Variants in MYLK observed in about 807,000 individuals in gnomAD.
MYLK encodes the protein myosin light chain kinase.
Under a neutral mutation model 203.4 loss-of-function variants are expected in MYLK, and 106 were observed. The ratio of observed to expected loss-of-function variants is 0.52; its 90% confidence interval spans 0.45 to 0.61. The LOEUF (loss-of-function observed/expected upper bound fraction) is 0.61. MYLK is among the 20% of genes least tolerant of loss of function. The pLI, the probability that MYLK is intolerant of heterozygous loss-of-function variation, is 0.00. For synonymous variants in MYLK, 867 were observed against 959.5 expected, an observed-to-expected ratio of 0.90 and a Z score of 1.78; for missense variants, 2,072 against 2,442.3, an observed-to-expected ratio of 0.85 and a Z score of 3.20.
intron 13 of MYLK, among the ~76,000 whole-genome samples, chr3:123,719,240 C>G (rs1232956771): frequency 6.6e-6 from 1 of 152,170 alleles, no homozygotes; most frequent in African/African-American, 2.4e-5. Context: ...AGCAGAGCTG[C>G]CCCTCAACCA....
At chr3:123,625,467 CGAGG>C in intron 31 of MYLK, among the ~76,000 whole-genome samples, 1 of 142,092 alleles carries the variant, frequency 7.0e-6, no homozygotes, top group East Asian at 2.1e-4. Context: ...GACTTTGTCT[CGAGG>C]AAAAAAAAAA....
chr3:123,802,958 C>A (rs966188303), intron 3 of MYLK, among the ~76,000 whole-genome samples: 2 of 151,932 alleles, frequency 1.3e-5, no homozygotes, highest in South Asian at 2.1e-4. Flanking sequence ...CCATGCCCCC[C>A]ACTCCATTCT....
intron 5 of MYLK, among the ~76,000 whole-genome samples, chr3:123,751,413 T>C (rs1334878142): frequency 2.0e-5 from 3 of 152,212 alleles, no homozygotes; most frequent in Admixed American, 6.5e-5. Flanking sequence ...GACAAAAATA[T>C]TAGGTTGGTG....
intron 19 of MYLK, among the ~76,000 whole-genome samples, chr3:123,683,982 GCTC>G (rs2060361802): frequency 6.6e-6 from 1 of 152,166 alleles, no homozygotes; most frequent in Non-Finnish European, 1.5e-5. Context: ...ACACTCTTAA[GCTC>G]CTCAGGAGGC....
rs138022025 is a variant in MYLK at position 123,701,375 on chromosome 3, G to A, written c.2462+63C>T. 1,075 of 1,544,038 alleles carry A rather than the reference G, an allele frequency of 7.0e-4. 3 individuals are homozygous for A. The African/African-American group carries it at 0.011, about 16-fold the overall frequency. On this transcript the variant is annotated intron_variant, in intron 17 of 33. Coordinates refer to ENST00000360304, the MANE Select transcript of MYLK (RefSeq NM_053025.4). ...CTAGGGCTGCTGGGCTGGAGCTGCCGGGGCCAGGAGGAAGGTGGGGATGGG... is the reference window on the plus strand; with the variant it reads ...CTAGGGCTGCTGGGCTGGAGCTGCCAGGGCCAGGAGGAAGGTGGGGATGGG...
At chr3:123,728,575 AAACAACAAAC>A (rs1376437818) in intron 11 of MYLK, among the ~76,000 whole-genome samples, 2 of 147,896 alleles carry the variant, frequency 1.4e-5, no homozygotes, top group East Asian at 3.9e-4. Context: ...CCACCCTCCC[AAACAACAAAC>A]AACAACAACA....
At chr3:123,733,396 T>C (rs1276141745) in intron 10 of MYLK, among the ~76,000 whole-genome samples, 4 of 152,104 alleles carry the variant, frequency 2.6e-5, no homozygotes, top group African/African-American at 4.8e-5. Context: ...TGCTTTTCGA[T>C]GTTGGCGATA....
intron 2 of MYLK, among the ~76,000 whole-genome samples, chr3:123,838,232 C>G (rs1331074894): frequency 1.3e-5 from 2 of 151,832 alleles, no homozygotes; most frequent in African/African-American, 4.8e-5. Context: ...AGTGCAAACC[C>G]AGAAAACAAC....
In MYLK at chr3:123,667,227, GT is replaced by G. The variant is rs762937192; in HGVS notation, c.3653-41del. 22 of 1,601,470 alleles carry G rather than the reference GT, an allele frequency of 1.4e-5. No homozygotes were observed. In the African/African-American group the frequency reaches 2.3e-4, roughly 17 times the overall value. On this transcript the variant is annotated intron_variant, in intron 20 of 33. Coordinates refer to ENST00000360304, the MANE Select transcript of MYLK (RefSeq NM_053025.4). ...TTCACAAGTTATTTCCTGTAGTTCT[GT>G]TTTTTTCACAAAGCTCCTGATCCTA...
chr3:123,883,938 G>A (rs2033694755), intron 1 of MYLK, among the ~76,000 whole-genome samples: 1 of 152,034 alleles, frequency 6.6e-6, no homozygotes, highest in South Asian at 2.1e-4. Flanking sequence ...CAAATCAAAG[G>A]CACCCCCTTC....
At chr3:123,729,750 A>C (rs768882265) in intron 11 of MYLK, among the ~76,000 whole-genome samples, 14 of 151,796 alleles carry the variant, frequency 9.2e-5, no homozygotes, top group African/African-American at 3.4e-4. Flanking sequence ...GTATAGTGGC[A>C]TATGCCTGTG....
chr3:123,678,513 A>G (rs973725681), intron 20 of MYLK, among the ~76,000 whole-genome samples: 1 of 151,972 alleles, frequency 6.6e-6, no homozygotes, highest in Admixed American at 6.6e-5. Flanking sequence ...GTCAGTGCTC[A>G]GCAGGGAGGG....
At chr3:123,826,176 C>A (rs556611666) in intron 3 of MYLK, among the ~76,000 whole-genome samples, 1 of 152,308 alleles carries the variant, frequency 6.6e-6, no homozygotes, top group East Asian at 1.9e-4. Flanking sequence ...CGCTGTGGAC[C>A]ACCCTCAGCA....
At chr3:123,759,955 TA>T (rs2063482777) in intron 4 of MYLK, among the ~76,000 whole-genome samples, 1 of 152,192 alleles carries the variant, frequency 6.6e-6, no homozygotes, top group African/African-American at 2.4e-5. Context: ...ATCTTTTGCT[TA>T]ACCTAGCTGG....
intron 2 of MYLK, among the ~76,000 whole-genome samples, chr3:123,856,300 C>T (rs146937115): frequency 5.4e-4 from 82 of 152,244 alleles, no homozygotes; most frequent in African/African-American, 1.8e-3. Context: ...CCACTACAAC[C>T]CTCTCGTTTG....
At chr3:123,740,531 G>T (rs2062825629) in intron 5 of MYLK, among the ~76,000 whole-genome samples, 1 of 152,260 alleles carries the variant, frequency 6.6e-6, no homozygotes, top group East Asian at 1.9e-4. Flanking sequence ...GCAAGTAGCA[G>T]CAAGCTGAAA....
intron 15 of MYLK, 44 bp from the exon 16 acceptor site, chr3:123,708,047 G>A (rs530254378): frequency 6.2e-7 from 1 of 1,611,798 alleles, no homozygotes; most frequent in African/African-American, 1.3e-5. Flanking sequence ...ATGTCCCTCA[G>A]CAGGCAGTGT....
intron 4 of MYLK, among the ~76,000 whole-genome samples, chr3:123,778,606 G>A (rs1179902359): frequency 1.3e-5 from 2 of 151,714 alleles, no homozygotes; most frequent in African/African-American, 2.4e-5. Flanking sequence ...GCCTGAGATT[G>A]TCAGACCCGC....
intron 19 of MYLK, 71 bp downstream of exon 19, chr3:123,692,664 G>T: frequency 8.3e-7 from 1 of 1,205,398 alleles, no homozygotes; most frequent in Non-Finnish European, 1.2e-6. Context: ...GGCAAGGTAT[G>T]GTAAGGAAGG....
Sources: allele counts gnomAD v4.1 joint callset (sites outside exome capture counted in the v4.1 genomes callset), GRCh38; gene constraint gnomAD v4.1.1; transcripts MANE v1.5; gene names NCBI Gene and HGNC (gene_info 2026-07-23, HGNC 2026-07-21).